Variants in CPHXL observed in about 807,000 individuals in gnomAD.
The protein encoded by CPHXL is cytoplasmic polyadenylated homeobox like, also known as cytoplasmic polyadenylated homeobox-like protein.
intron 2 of CPHXL, among the ~76,000 whole-genome samples, chr16:75,718,050 C>A (rs1051198222): frequency 3.5e-5 from 4 of 114,050 alleles, no homozygotes; most frequent in African/African-American, 1.7e-4. Flanking sequence ...TGGTGAGACC[C>A]CATTTTTTAC....
At position 75,726,489 on chromosome 16, in the gene CPHXL, G is replaced by C. The variant is rs927075607; in HGVS notation, c.-47C>G. The C allele has an allele frequency of 3.3e-5, 13 of 398,378 alleles. No individual in the cohort carries two copies. In the East Asian group the frequency reaches 3.6e-4, roughly 11 times the overall value. The allele number at this position is 398,378 out of a possible 1,614,324, so 24.7% of individuals were successfully genotyped here. A position where few individuals can be genotyped will look rare whatever the true frequency, so the allele number is the denominator to read the frequency against. On this transcript the variant is annotated 5_prime_UTR_variant, in exon 1 of 3. Coordinates refer to ENST00000640559, the MANE Select transcript of CPHXL (RefSeq NM_001355613.1). Reference sequence around the variant, plus strand: ...TTCACGGAGACCAGCAAGCAACTGAGATCAGCAAGCAACTGAGCAGCTCCT... The same window carrying C: ...TTCACGGAGACCAGCAAGCAACTGACATCAGCAAGCAACTGAGCAGCTCCT...
chr16:75,714,150 TC>T lies in CPHXL; in HGVS notation c.*73del. ...TGTGGGCCTGACCTGCGACTGTGTT[TC>T]TCTGACACTTAGCACTACTTTGCAG... On this transcript the variant is annotated 3_prime_UTR_variant, in exon 3 of 3. Coordinates refer to ENST00000640559, the MANE Select transcript of CPHXL (RefSeq NM_001355613.1). 2.5e-6 allele frequency: 1 copy of T among 398,370 alleles called. No homozygotes were observed. The highest frequency in any genetic ancestry group is 4.4e-6 in the Non-Finnish European group (1 of 226,176). The allele number at this position is 398,370 out of a possible 1,614,324, so 24.7% of individuals were successfully genotyped here.
chr16:75,723,565 A>T (rs1457361553), intron 1 of CPHXL, among the ~76,000 whole-genome samples: 5 of 152,198 alleles, frequency 3.3e-5, no homozygotes, highest in Admixed American at 6.5e-5. Flanking sequence ...GACCTCTTCA[A>T]GGAGAACTAC....
intron 1 of CPHXL, among the ~76,000 whole-genome samples, chr16:75,720,773 A>G (rs1322148656): frequency 6.6e-6 from 1 of 152,304 alleles, no homozygotes; most frequent in East Asian, 1.9e-4. Context: ...ATACTCCTCA[A>G]GAAGAGCAAC....
At chr16:75,716,367 T>A (rs1959390873) in intron 2 of CPHXL, among the ~76,000 whole-genome samples, 1 of 152,174 alleles carries the variant, frequency 6.6e-6, no homozygotes, top group African/African-American at 2.4e-5. Context: ...CTTCTGAAAC[T>A]TTTGGCTGAC....
At chr16:75,723,137 C>G (rs2151840074) in intron 1 of CPHXL, among the ~76,000 whole-genome samples, 1 of 152,286 alleles carries the variant, frequency 6.6e-6, no homozygotes, top group Admixed American at 6.5e-5. Context: ...AACCCACAGC[C>G]AATATCATAC....
At chr16:75,719,151 C>A (rs1027503203) in intron 1 of CPHXL, among the ~76,000 whole-genome samples, 7 of 151,964 alleles carry the variant, frequency 4.6e-5, no homozygotes, top group Admixed American at 2.6e-4. Flanking sequence ...ATAGGAACAG[C>A]TACAGTCTAC....
chr16:75,726,354 G>T, intron 1 of CPHXL, 64 bp downstream of exon 1: 1 of 398,508 alleles, frequency 2.5e-6, no homozygotes, highest in South Asian at 1.3e-4. Flanking sequence ...TTTAAACTTT[G>T]ACACACTATT....
intron 2 of CPHXL, among the ~76,000 whole-genome samples, chr16:75,717,960 C>T (rs542470561): frequency 1.8e-4 from 28 of 152,114 alleles, no homozygotes; most frequent in Non-Finnish European, 2.9e-4. Flanking sequence ...TGGTGACTCA[C>T]GCTTGTAACC....
intron 1 of CPHXL, among the ~76,000 whole-genome samples, chr16:75,720,011 G>A (rs1460737402): frequency 2.0e-5 from 3 of 152,132 alleles, no homozygotes; most frequent in Non-Finnish European, 4.4e-5. Flanking sequence ...GTGGACCTCC[G>A]GCAAACTCCA....
chr16:75,719,344 C>G (rs1428587849), intron 1 of CPHXL, among the ~76,000 whole-genome samples: 1 of 152,142 alleles, frequency 6.6e-6, no homozygotes, highest in East Asian at 1.9e-4. Context: ...CAGGGAATTC[C>G]CTTTCCTAGT....
intron 1 of CPHXL, among the ~76,000 whole-genome samples, chr16:75,719,855 G>T (rs989084151): frequency 6.6e-6 from 1 of 152,138 alleles, no homozygotes; most frequent in African/African-American, 2.4e-5. Context: ...ACACCCCCCA[G>T]TAGGGGCAGA....
intron 1 of CPHXL, among the ~76,000 whole-genome samples, chr16:75,719,637 C>G (rs961033301): frequency 2.0e-5 from 3 of 152,190 alleles, no homozygotes; most frequent in African/African-American, 7.2e-5. Flanking sequence ...CACTGCAGCT[C>G]AAGGAGGCCT....
At chr16:75,726,026 GGAAAATTAAT>G (rs1266738736) in intron 1 of CPHXL, among the ~76,000 whole-genome samples, 5 of 151,798 alleles carry the variant, frequency 3.3e-5, no homozygotes, top group African/African-American at 1.2e-4. Context: ...GTAGGGAAGA[GGAAAATTAAT>G]GAAAATTAAT....
chr16:75,716,023 T>C (rs895000983), intron 2 of CPHXL, among the ~76,000 whole-genome samples: 1 of 152,120 alleles, frequency 6.6e-6, no homozygotes, highest in African/African-American at 2.4e-5. Flanking sequence ...TATATGTACA[T>C]AATTCTGACA....
chr16:75,721,611 T>A (rs1331270804), intron 1 of CPHXL, among the ~76,000 whole-genome samples: 1 of 152,170 alleles, frequency 6.6e-6, no homozygotes, highest in East Asian at 1.9e-4. Flanking sequence ...AGCAAGTCCT[T>A]AGAGACCTAC....
rs1327350072 is a variant in CPHXL at position 75,716,197 on chromosome 16, CCA to C, written c.220-977_220-976del. 3.3e-5 allele frequency among the ~76,000 whole-genome samples: 5 copies of C among 152,274 alleles called. 1 individual carries two copies. The highest frequency in any genetic ancestry group is 7.4e-5 in the Non-Finnish European group (5 of 68,022). ...GGCTTGTGTGAGCAAATGTGTTTTTCCACACACCAGGCAAACAGTCAGTTCTG... is the reference window on the plus strand; with the variant it reads ...GGCTTGTGTGAGCAAATGTGTTTTTCCACACCAGGCAAACAGTCAGTTCTG... On this transcript the variant is annotated intron_variant, in intron 2 of 2. Transcript: ENST00000640559.
At chr16:75,720,292 A>C (rs1959457035) in intron 1 of CPHXL, among the ~76,000 whole-genome samples, 1 of 152,208 alleles carries the variant, frequency 6.6e-6, no homozygotes, top group African/African-American at 2.4e-5. Flanking sequence ...GCTTCAGACG[A>C]TCAAACTACT....
intron 1 of CPHXL, among the ~76,000 whole-genome samples, chr16:75,721,301 C>G (rs1405463388): frequency 6.6e-6 from 1 of 152,122 alleles, no homozygotes; most frequent in Non-Finnish European, 1.5e-5. Flanking sequence ...AAAAGACACA[C>G]ACTGGCAAAT....
Sources: gnomAD v4.1 joint callset for allele counts (sites outside exome capture counted in the v4.1 genomes callset) on GRCh38, gnomAD v4.1.1 for gene constraint, MANE v1.5 for transcripts, NCBI Gene and HGNC (gene_info 2026-07-23, HGNC 2026-07-21) for gene names.